Variants in BICRA observed in about 807,000 individuals in gnomAD.
BICRA encodes BRD4-interacting chromatin-remodeling complex-associated protein.
Under a neutral mutation model 96.9 loss-of-function variants are expected in BICRA, and 31 were observed. That is an observed-to-expected ratio of 0.32 (90% confidence interval 0.24 to 0.43). BICRA has a LOEUF of 0.43. Among genes scored for constraint, BICRA ranks in the 20% least tolerant of loss-of-function variants. The pLI is 1.00. For missense variants in BICRA, 2,283 were observed against 2,190.3 expected (o/e 1.04, Z -0.84); for synonymous variants, 1,350 against 1,071.8 (o/e 1.26, Z -5.07).
In BICRA at chr19:47,656,177, T is replaced by C. The variant is rs985882606; in HGVS notation, c.-107-14266T>C. Reference sequence around the variant, plus strand: ...TGGCGCACACCTAAGGAGGACCACATGAGCCTGGAAGGTCAAGGCTGCCAT... The same window carrying C: ...TGGCGCACACCTAAGGAGGACCACACGAGCCTGGAAGGTCAAGGCTGCCAT... On this transcript the variant is annotated intron_variant, in intron 1 of 14. Coordinates refer to ENST00000594866, the MANE Select transcript of BICRA (RefSeq NM_001394372.1). Among the ~76,000 whole-genome samples the C allele has an allele frequency of 2.0e-5, 3 of 151,424 alleles. No individual in the cohort carries two copies. The South Asian group carries it at 6.3e-4, about 32-fold the overall frequency.
At chr19:47,626,500 A>C (rs1401905423) in intron 1 of BICRA, 2 of 151,372 alleles carry the variant, frequency 1.3e-5, no homozygotes, top group African/African-American at 4.9e-5. Flanking sequence ...AGGCTCAAGC[A>C]ATCTTCCTTC....
At chr19:47,700,069 A>C (rs768241627) in intron 14 of BICRA, 3 of 152,612 alleles carry the variant, frequency 2.0e-5, no homozygotes, top group Non-Finnish European at 4.4e-5. Flanking sequence ...GCGAGTCTGA[A>C]GTCTCTAGGG....
Position 47,701,385 on chromosome 19 carries a change from G to A in BICRA, c.3653G>A (p.Gly1218Asp). Reference sequence around the variant, plus strand: ...CTCCCCATCGCAGCCTCTTCCGAGGGTCATCGGCTTCCCGGCCACGGCCCC... The same window carrying A: ...CTCCCCATCGCAGCCTCTTCCGAGGATCATCGGCTTCCCGGCCACGGCCCC... ...LGLPIAASSEGHRLPGHGPLS... is the reference protein window; with the variant it reads ...LGLPIAASSEDHRLPGHGPLS... The change falls in exon 15 of 15, where the codon GGT (glycine) becomes GAT (aspartate). Residue 1218 changes from glycine (G) to aspartate (D), a missense_variant. Gly to Asp is a moderately conservative substitution (Grantham distance 94, BLOSUM62 -1). Transcript: ENST00000594866. The surrounding 1 kb of genome is among the most constrained non-coding windows in gnomAD (Gnocchi z 5.4). 6.2e-7 allele frequency: 1 copy of A among 1,609,370 alleles called. No homozygotes were observed. Among genetic ancestry groups the A allele is most frequent in the Non-Finnish European group, 8.5e-7 (1 of 1,178,442 alleles).
intron 7 of BICRA, among the ~76,000 whole-genome samples, chr19:47,685,786 T>TGTGTGC: frequency 0.061 from 7,194 of 117,582 alleles, 279 homozygotes; most frequent in East Asian, 0.14. Context: ...TGTGTGTGTG[T>TGTGTGC]GCGCGCGCGC....
At chr19:47,626,025 C>A (rs141102162) in intron 1 of BICRA, 1 of 152,230 alleles carries the variant, frequency 6.6e-6, no homozygotes, top group African/African-American at 2.4e-5. Flanking sequence ...GCTTAGAGGC[C>A]ACAGACTTTT....
At chr19:47,626,590 TAG>T in intron 1 of BICRA, among the ~76,000 whole-genome samples, 3 of 149,740 alleles carry the variant, frequency 2.0e-5, no homozygotes, top group African/African-American at 4.9e-5. Context: ...TTTTTTTTTT[TAG>T]AGACAGGGTC....
At chr19:47,636,115 C>T (rs1339008239) in intron 1 of BICRA, among the ~76,000 whole-genome samples, 1 of 152,160 alleles carries the variant, frequency 6.6e-6, no homozygotes, top group Non-Finnish European at 1.5e-5. Flanking sequence ...CCCAAGACAG[C>T]TCATTATGTA....
chr19:47,695,629 C>T (rs1239169226), intron 10 of BICRA, among the ~76,000 whole-genome samples, 155 bp downstream of exon 10: 1 of 151,958 alleles, frequency 6.6e-6, no homozygotes, highest in Admixed American at 6.6e-5. Flanking sequence ...CGTGCAGGGA[C>T]AGGAAGGGCA....
intron 1 of BICRA, among the ~76,000 whole-genome samples, chr19:47,643,255 C>T (rs1972409241): frequency 6.6e-6 from 1 of 152,268 alleles, no homozygotes; most frequent in Non-Finnish European, 1.5e-5. Flanking sequence ...CAGGCATGAA[C>T]CACTGTGCCT....
intron 1 of BICRA, among the ~76,000 whole-genome samples, chr19:47,659,863 C>T (rs7359854): frequency 0.32 from 49,324 of 151,848 alleles, 8,601 homozygotes; most frequent in East Asian, 0.59. Context: ...AATCCTCACA[C>T]CTCAGCTTCC....
At position 47,699,034 on chromosome 19, in the gene BICRA, G is replaced by A. The variant is rs1194396098; in HGVS notation, c.3467G>A (p.Arg1156Gln). 6.3e-7 allele frequency: 1 copy of A among 1,579,512 alleles called. No individual in the cohort carries two copies. Among genetic ancestry groups the A allele is most frequent in the Non-Finnish European group, 8.6e-7 (1 of 1,163,302 alleles). Residue 1156 changes from arginine (R) to glutamine (Q), a missense_variant, in exon 13 of 15, where the codon CGG (arginine) becomes CAG (glutamine). Arg to Gln is a conservative substitution (Grantham distance 43, BLOSUM62 1). Transcript: ENST00000594866. This position sits in a 1 kb window ranked among gnomAD's most constrained non-coding sequence, Gnocchi z 5.0. Reference sequence around the variant, plus strand: ...ACCCAGGCCATGCTCAATAAATATCGGCTCCTGCTCCTGGAGGAGTCCCGG... The same window carrying A: ...ACCCAGGCCATGCTCAATAAATATCAGCTCCTGCTCCTGGAGGAGTCCCGG... Reference protein sequence around the residue: ...KRTQAMLNKYRLLLLEESRRV... With the variant: ...KRTQAMLNKYQLLLLEESRRV...
At chr19:47,674,038 C>T (rs1003665903) in intron 4 of BICRA, among the ~76,000 whole-genome samples, 3 of 152,098 alleles carry the variant, frequency 2.0e-5, no homozygotes, top group Non-Finnish European at 4.4e-5. Flanking sequence ...GTCATTTGCA[C>T]AATGAAAGAG....
At chr19:47,671,366 C>T (rs529646312) in intron 2 of BICRA, among the ~76,000 whole-genome samples, 7 of 152,122 alleles carry the variant, frequency 4.6e-5, no homozygotes, top group Non-Finnish European at 7.4e-5. Context: ...AATGGTGACC[C>T]GTGGCAGTTG....
chr19:47,653,690 TC>T (rs1331191606), intron 1 of BICRA, among the ~76,000 whole-genome samples: 2 of 152,236 alleles, frequency 1.3e-5, no homozygotes, highest in African/African-American at 4.8e-5. Flanking sequence ...GTGCCAGTGT[TC>T]CTTCCTTCTT....
rs137916029 is a variant in BICRA at position 47,631,843 on chromosome 19, T to C, written c.-108+22675T>C. On this transcript the variant is annotated intron_variant, in intron 1 of 14. Transcript: ENST00000594866. ...TTTGTATGCTTAGTAGAGACGGGGT[T>C]TCGCCATATTGGCCAGGCTGGTCTC... Among the ~76,000 whole-genome samples the C allele has an allele frequency of 7.2e-3, 1,093 of 152,194 alleles. 11 individuals carry two copies. The highest frequency in any genetic ancestry group is 0.02 in the Middle Eastern group (6 of 294).
chr19:47,652,464 A>G (rs1363024966), intron 1 of BICRA, among the ~76,000 whole-genome samples: 1 of 152,154 alleles, frequency 6.6e-6, no homozygotes, highest in Non-Finnish European at 1.5e-5. Context: ...CTGGGATTAC[A>G]GGTGTGAGCC....
chr19:47,660,363 C>G (rs909441499), intron 1 of BICRA, among the ~76,000 whole-genome samples: 7 of 152,164 alleles, frequency 4.6e-5, no homozygotes, highest in Non-Finnish European at 1.0e-4. Flanking sequence ...CCCAGATAAT[C>G]CAGGACAGTC....
chr19:47,628,559 C>T (rs1002886911), intron 1 of BICRA, among the ~76,000 whole-genome samples: 1 of 152,188 alleles, frequency 6.6e-6, no homozygotes, highest in African/African-American at 2.4e-5. Context: ...TATAACACGA[C>T]GAAAGTCTTT....
intron 7 of BICRA, among the ~76,000 whole-genome samples, chr19:47,683,118 A>G (rs1458070335): frequency 2.6e-5 from 4 of 152,296 alleles, no homozygotes; most frequent in African/African-American, 4.8e-5. Flanking sequence ...ATGCCTTTGT[A>G]TGTATGTCGT....
Sources: allele counts gnomAD v4.1 joint callset (sites outside exome capture counted in the v4.1 genomes callset), GRCh38; gene constraint gnomAD v4.1.1; non-coding constraint Gnocchi (gnomAD v3.1); transcripts MANE v1.5; gene names NCBI Gene and HGNC (gene_info 2026-07-23, HGNC 2026-07-21).